Variants in ZNF710 observed in about 807,000 individuals in gnomAD.
ZNF710 encodes zinc finger protein 710.
A neutral mutation model predicts 50.6 loss-of-function variants in ZNF710; 13 were observed. That is an observed-to-expected ratio of 0.26 (90% CI 0.17 to 0.41). The LOEUF (loss-of-function observed/expected upper bound fraction) is 0.41, where lower values mean the gene tolerates loss of function less well. Ranked by LOEUF, ZNF710 falls within the 10% of genes least tolerant of loss-of-function variation. The pLI is 1.00. For missense variants in ZNF710, 721 were observed against 936.6 expected (o/e 0.77, Z 3.01); for synonymous variants, 383 against 397.0 (o/e 0.96, Z 0.42).
chr15:90,069,070 A>G (rs1038601640), intron 2 of ZNF710, among the ~76,000 whole-genome samples: 5 of 152,080 alleles, frequency 3.3e-5, no homozygotes, highest in Non-Finnish European at 5.9e-5. Context: ...TCTACTAAAA[A>G]TACAAAAATT....
In ZNF710 at chr15:90,063,554, C is replaced by T. The variant is rs575960898; in HGVS notation, c.-28-3556C>T. On this transcript the variant is annotated intron_variant, in intron 1 of 4. Transcript: ENST00000268154. The stretch of plus-strand genomic sequence containing the variant: ...AGGACTCTGGGTTAGTCCCTTTCTA[C>T]AGCCAAGCACAGGCTCCTGACACAG... 3.3e-5 allele frequency among the ~76,000 whole-genome samples: 5 copies of T among 152,288 alleles called. No individual in the cohort carries two copies. The East Asian group carries it at 5.8e-4, about 18-fold the overall frequency.
chr15:89,999,282 G>A (rs565974403), upstream of ZNF710, among the ~76,000 whole-genome samples: 54 of 152,366 alleles, frequency 3.5e-4, no homozygotes, highest in African/African-American at 1.3e-3. Flanking sequence ...TCCTTCGCCT[G>A]CAAAGCCAAA....
At chr15:90,041,318 GT>G (rs969593969) in intron 1 of ZNF710, among the ~76,000 whole-genome samples, 1 of 152,120 alleles carries the variant, frequency 6.6e-6, no homozygotes, top group African/African-American at 2.4e-5. Context: ...AGCCTCCAGA[GT>G]AGCTAAGACT....
intron 1 of ZNF710, among the ~76,000 whole-genome samples, chr15:90,024,159 C>T (rs1898703507): frequency 6.6e-6 from 1 of 152,190 alleles, no homozygotes; most frequent in South Asian, 2.1e-4. Context: ...GCCCAGGCGG[C>T]GAGCATTCCC....
At chr15:90,061,944 G>T (rs77653384) in intron 1 of ZNF710, among the ~76,000 whole-genome samples, 3,320 of 152,166 alleles carry the variant, frequency 0.022, 137 homozygotes, top group African/African-American at 0.076. Context: ...TGAGGAGACG[G>T]CGTCCCTGCT....
intron 1 of ZNF710, among the ~76,000 whole-genome samples, chr15:90,012,236 G>T (rs1433450779): frequency 2.7e-5 from 4 of 148,098 alleles, no homozygotes; most frequent in Middle Eastern, 3.5e-3. Context: ...GAAGTTGGTA[G>T]CCCAAGTATT....
intron 1 of ZNF710, among the ~76,000 whole-genome samples, chr15:90,024,158 G>A (rs182418029): frequency 1.7e-4 from 26 of 152,306 alleles, no homozygotes; most frequent in African/African-American, 6.3e-4. Context: ...TGCCCAGGCG[G>A]CGAGCATTCC....
chr15:90,059,038 G>A lies in ZNF710; in HGVS notation c.-28-8072G>A, dbSNP rs1227357038. ...CTAGCTTAGCCAAGCACACAGCCGG[G>A]CACCATAGCTTAGCCAAGATGACGC... On this transcript the variant is annotated intron_variant, in intron 1 of 4. Transcript: ENST00000268154. The surrounding 1 kb of genome is among the most constrained non-coding windows in gnomAD (Gnocchi z 4.1). 6.6e-6 allele frequency among the ~76,000 whole-genome samples: 1 copy of A among 152,188 alleles called. No homozygotes were observed. The highest frequency in any genetic ancestry group is 1.5e-5 in the Non-Finnish European group (1 of 68,046).
At chr15:90,041,474 G>A (rs1429577534) in intron 1 of ZNF710, among the ~76,000 whole-genome samples, 2 of 152,176 alleles carry the variant, frequency 1.3e-5, no homozygotes, top group African/African-American at 4.8e-5. Context: ...TTATAGGTAT[G>A]AGCCACTGGG....
In ZNF710 at chr15:90,073,267, C is replaced by T. The variant is rs1900456487; in HGVS notation, c.1650+5C>T. The T allele has an allele frequency of 1.2e-6, 2 of 1,609,486 alleles. No homozygotes were observed. The highest frequency in any genetic ancestry group is 8.5e-7 in the Non-Finnish European group (1 of 1,176,192). ...GTGAAGCCATTCAAATGCAAGGTAC[C>T]CGGTCATCAGGCCCCGGGGCTGGGA... On this transcript the variant is annotated splice_donor_5th_base_variant and intron_variant, in intron 3 of 4. Coordinates refer to ENST00000268154, the MANE Select transcript of ZNF710 (RefSeq NM_198526.4).
intron 1 of ZNF710, among the ~76,000 whole-genome samples, chr15:90,002,111 C>A (rs1361511765): frequency 6.6e-6 from 1 of 151,176 alleles, no homozygotes; most frequent in East Asian, 2.0e-4. Context: ...GCTGGGTGCG[C>A]TCCCCCCACA....
At chr15:90,019,000 A>ATTTT (rs5814408) in intron 1 of ZNF710, among the ~76,000 whole-genome samples, 1 of 149,982 alleles carries the variant, frequency 6.7e-6, no homozygotes, top group Non-Finnish European at 1.5e-5. Context: ...GCTTTTATTG[A>ATTTT]TTTTTTTTTC....
At chr15:90,074,396 C>T in intron 4 of ZNF710, 106 bp downstream of exon 4, 1 of 1,570,278 alleles carries the variant, frequency 6.4e-7, no homozygotes. Context: ...AAGGCTGAGA[C>T]TTCGTTGGGG....
intron 1 of ZNF710, among the ~76,000 whole-genome samples, chr15:90,031,022 AAAAAAG>A (rs1333787210): frequency 2.7e-5 from 4 of 150,150 alleles, no homozygotes; most frequent in Non-Finnish European, 4.4e-5. Flanking sequence ...CCGTCTCAAA[AAAAAAG>A]AAAAAAAAAA....
intron 1 of ZNF710, among the ~76,000 whole-genome samples, chr15:90,014,701 A>G (rs969754137): frequency 6.6e-6 from 1 of 152,104 alleles, no homozygotes; most frequent in Non-Finnish European, 1.5e-5. Flanking sequence ...CATAAGAGAA[A>G]AAATTAATAT....
chr15:90,031,721 C>T (rs1567227123), intron 1 of ZNF710, among the ~76,000 whole-genome samples: 1 of 152,188 alleles, frequency 6.6e-6, no homozygotes, highest in South Asian at 2.1e-4. Flanking sequence ...CTCTCACTCT[C>T]TGCTGGGGAG....
intron 2 of ZNF710, among the ~76,000 whole-genome samples, chr15:90,069,419 A>AC (rs1900302000): frequency 6.6e-6 from 1 of 151,784 alleles, no homozygotes; most frequent in Admixed American, 6.6e-5. Context: ...CAAAAAAAAA[A>AC]AATCATTTTT....
chr15:90,077,543 C>T (rs1321659025), intron 4 of ZNF710, among the ~76,000 whole-genome samples: 1 of 152,064 alleles, frequency 6.6e-6, no homozygotes. Flanking sequence ...TGCGCCTGGC[C>T]CCCAAGGTGC....
chr15:90,014,482 G>A (rs1449989427), intron 1 of ZNF710, among the ~76,000 whole-genome samples: 1 of 146,030 alleles, frequency 6.8e-6, no homozygotes, highest in Non-Finnish European at 1.5e-5. Flanking sequence ...TTTGAATCCA[G>A]TCTGGGAAAC....
Sources: allele counts gnomAD v4.1 joint callset (sites outside exome capture counted in the v4.1 genomes callset), GRCh38; gene constraint gnomAD v4.1.1; non-coding constraint Gnocchi (gnomAD v3.1); transcripts MANE v1.5; gene names NCBI Gene and HGNC (gene_info 2026-07-23, HGNC 2026-07-21).